Variants in RIN2 observed in about 807,000 individuals in gnomAD.
RIN2 encodes RAB5 interacting protein 2.
A neutral mutation model predicts 78.0 loss-of-function variants in RIN2; 36 were observed. The observed-to-expected ratio is 0.46, with a 90% CI of 0.35 to 0.61. The LOEUF is 0.61. RIN2 is among the 20% of genes least tolerant of loss of function. The pLI is 0.00. For synonymous variants in RIN2, 466 were observed against 466.8 expected, an observed-to-expected ratio of 1.00 and a Z score of 0.02; for missense variants, 1,087 against 1,159.7, an observed-to-expected ratio of 0.94 and a Z score of 0.91.
At position 19,974,737 on chromosome 20, in the gene RIN2, G is replaced by T; in HGVS notation, c.712G>T (p.Ala238Ser). 1 of 1,613,964 alleles carries T rather than the reference G, an allele frequency of 6.2e-7. No individual in the cohort carries two copies. Among genetic ancestry groups the T allele is most frequent in the Non-Finnish European group, 8.5e-7 (1 of 1,179,888 alleles). Residue 238 changes from alanine (A) to serine (S), a missense_variant, in exon 9 of 13, where the codon GCC (alanine) becomes TCC (serine). Around this residue, in one of 8 missense-constraint regions of RIN2, gnomAD observed 706 missense variants for 667.5 expected, o/e 1.06. Coordinates refer to ENST00000255006, the MANE Select transcript of RIN2 (RefSeq NM_018993.4). ...TCTTTCCTCCGACGGTGTCTGTCCTGCCTCCCTGCGTCAGCTCTGCCTTAT... is the reference window on the plus strand; with the variant it reads ...TCTTTCCTCCGACGGTGTCTGTCCTTCCTCCCTGCGTCAGCTCTGCCTTAT... ...RPLSSDGVCP[A>S]SLRQLCLING... is the part of the protein sequence containing the mutation.
rs140659384 is a variant in RIN2 at position 19,826,648 on chromosome 20, C to T, written c.-37+26901C>T. On this transcript the variant is annotated intron_variant, in intron 2 of 12. Transcript: ENST00000255006. Reference sequence around the variant, plus strand: ...TGATTTATAAGATTTGTCATTCTCTCTGCTTTAAGTCATCTATTAGCTTAA... The same window carrying T: ...TGATTTATAAGATTTGTCATTCTCTTTGCTTTAAGTCATCTATTAGCTTAA... Among the ~76,000 whole-genome samples, 52 of 152,300 alleles carry T rather than the reference C, an allele frequency of 3.4e-4. No homozygotes were observed. The East Asian group carries it at 7.7e-3, about 23-fold the overall frequency.
chr20:19,978,873 CT>C (rs2042363766), intron 9 of RIN2, among the ~76,000 whole-genome samples: 1 of 152,202 alleles, frequency 6.6e-6, no homozygotes, highest in Non-Finnish European at 1.5e-5. Flanking sequence ...TTTGGGGGCC[CT>C]ACTTAAAGTA....
At chr20:19,767,922 C>CAA (rs61365306) in intron 1 of RIN2, among the ~76,000 whole-genome samples, 1,361 of 124,570 alleles carry the variant, frequency 0.011, 34 homozygotes, top group African/African-American at 0.025. Context: ...AAAACTGTCT[C>CAA]AAAAAAAAAA....
intron 1 of RIN2, among the ~76,000 whole-genome samples, chr20:19,795,833 G>A (rs941341201): frequency 4.6e-5 from 7 of 152,118 alleles, no homozygotes; most frequent in South Asian, 2.1e-4. Flanking sequence ...AACACACACT[G>A]AAGTAACATC....
chr20:19,782,477 A>G (rs777927228), intron 1 of RIN2, among the ~76,000 whole-genome samples: 1 of 152,000 alleles, frequency 6.6e-6, no homozygotes, highest in African/African-American at 2.4e-5. Flanking sequence ...AGGCACAAGA[A>G]TCACTTGAAC....
intron 2 of RIN2, among the ~76,000 whole-genome samples, chr20:19,814,700 C>T (rs2035711483): frequency 6.6e-6 from 1 of 152,128 alleles, no homozygotes; most frequent in South Asian, 2.1e-4. Flanking sequence ...CTCAAGCATC[C>T]TCCCACCTTA....
At chr20:19,872,401 A>G (rs2037716356) in intron 2 of RIN2, 1 of 152,282 alleles carries the variant, frequency 6.6e-6, no homozygotes, top group South Asian at 2.1e-4. Flanking sequence ...GTGTGGGGGC[A>G]CTGGTCCAAA....
At chr20:19,820,567 G>A (rs1337704993) in intron 2 of RIN2, among the ~76,000 whole-genome samples, 1 of 152,190 alleles carries the variant, frequency 6.6e-6, no homozygotes, top group Non-Finnish European at 1.5e-5. Flanking sequence ...TCTGGGTCCT[G>A]TGGTCTAGAG....
chr20:19,785,983 C>T (rs766392879), intron 1 of RIN2, among the ~76,000 whole-genome samples: 9 of 152,168 alleles, frequency 5.9e-5, no homozygotes, highest in Non-Finnish European at 1.3e-4. Context: ...AGAAATGCTT[C>T]GCCTTGGTTT....
intron 2 of RIN2, among the ~76,000 whole-genome samples, chr20:19,820,536 G>A (rs1480852347): frequency 6.6e-6 from 1 of 152,162 alleles, no homozygotes; most frequent in African/African-American, 2.4e-5. Context: ...AGAGATGTTG[G>A]CCAATTGTCA....
intron 3 of RIN2, among the ~76,000 whole-genome samples, chr20:19,896,112 G>T (rs973132601): frequency 6.6e-6 from 1 of 152,190 alleles, no homozygotes; most frequent in South Asian, 2.1e-4. Flanking sequence ...GACAGAGATT[G>T]CAGGGGCATG....
chr20:19,764,931 T>G (rs1162022425), intron 1 of RIN2, among the ~76,000 whole-genome samples: 2 of 132,630 alleles, frequency 1.5e-5, no homozygotes, highest in Non-Finnish European at 1.6e-5. Flanking sequence ...TTTTTTTTTT[T>G]TTTTTTTTTT....
At chr20:19,773,372 A>G (rs926237113) in intron 1 of RIN2, among the ~76,000 whole-genome samples, 4 of 152,214 alleles carry the variant, frequency 2.6e-5, no homozygotes, top group African/African-American at 9.6e-5. Flanking sequence ...TAGGTGTAAA[A>G]TTAGAAACTG....
chr20:19,875,071 G>A (rs920857748), intron 2 of RIN2, among the ~76,000 whole-genome samples: 4 of 151,872 alleles, frequency 2.6e-5, no homozygotes, highest in African/African-American at 9.7e-5. Context: ...ATGTTGTCCA[G>A]GCTGGTCTCC....
At chr20:19,855,501 C>T (rs1005296517) in intron 2 of RIN2, among the ~76,000 whole-genome samples, 13 of 152,024 alleles carry the variant, frequency 8.6e-5, no homozygotes, top group East Asian at 1.9e-4. Context: ...GTTGTGAATC[C>T]GTCTGGTCCT....
chr20:19,831,953 T>C (rs1326639277), intron 2 of RIN2, among the ~76,000 whole-genome samples: 1 of 152,158 alleles, frequency 6.6e-6, no homozygotes, highest in Non-Finnish European at 1.5e-5. Context: ...ATAATGTTTC[T>C]AGCAATGAAT....
At chr20:19,874,016 A>T (rs937597694) in intron 2 of RIN2, among the ~76,000 whole-genome samples, 1 of 151,906 alleles carries the variant, frequency 6.6e-6, no homozygotes, top group African/African-American at 2.4e-5. Flanking sequence ...ACTGTAAACA[A>T]GTGTCCTTTT....
At chr20:19,854,034 T>C (rs1457932281) in intron 2 of RIN2, among the ~76,000 whole-genome samples, 1 of 152,238 alleles carries the variant, frequency 6.6e-6, no homozygotes, top group African/African-American at 2.4e-5. Context: ...AAGTCTTTAA[T>C]CCATCTTGAA....
chr20:19,953,619 T>C (rs2041416277), intron 4 of RIN2, among the ~76,000 whole-genome samples: 1 of 151,998 alleles, frequency 6.6e-6, no homozygotes, highest in African/African-American at 2.4e-5. Context: ...TTTTGTATTT[T>C]AGTAGAGACA....
Sources: allele counts gnomAD v4.1 joint callset (sites outside exome capture counted in the v4.1 genomes callset), GRCh38; gene constraint gnomAD v4.1.1; regional missense constraint gnomAD v4.1.1; transcripts MANE v1.5; gene names NCBI Gene and HGNC (gene_info 2026-07-23, HGNC 2026-07-21).